The following MEX3C variants were observed in gnomAD, a reference collection of about 807,000 sequenced individuals.
The protein encoded by MEX3C is RNA-binding E3 ubiquitin-protein ligase MEX3C.
In MEX3C, 15 loss-of-function variants were observed where a neutral mutation model predicts 35.5. The observed-to-expected ratio is 0.42, with a 90% confidence interval of 0.28 to 0.65. The LOEUF (loss-of-function observed/expected upper bound fraction) is 0.65, where lower values mean the gene tolerates loss of function less well. Among genes scored for constraint, MEX3C ranks in the 30% least tolerant of loss-of-function variants. The probability of loss-of-function intolerance (pLI) is 0.20; values close to 1 mark genes in which losing one functional copy is unlikely to be tolerated. For missense variants in MEX3C, 711 were observed against 842.8 expected (o/e 0.84, Z 1.94); for synonymous variants, 390 against 352.8 (o/e 1.11, Z -1.18).
At chr18:51,180,133 G>A (rs1912393019) in intron 1 of MEX3C, among the ~76,000 whole-genome samples, 1 of 152,014 alleles carries the variant, frequency 6.6e-6, no homozygotes, top group South Asian at 2.1e-4. Flanking sequence ...AGAGAAAAAA[G>A]AAAACTATGT....
intron 1 of MEX3C, among the ~76,000 whole-genome samples, chr18:51,189,609 A>G (rs1264959562): frequency 6.6e-6 from 1 of 152,192 alleles, no homozygotes; most frequent in African/African-American, 2.4e-5. Context: ...AAGTTTTATT[A>G]TTTGGCCTTT....
Position 51,177,611 on chromosome 18 carries a change from T to C in MEX3C, c.755-35A>G, listed in dbSNP as rs1912333473. 2 of 1,543,198 alleles carry C rather than the reference T, an allele frequency of 1.3e-6. No homozygotes were observed. Among genetic ancestry groups the C allele is most frequent in the Admixed American group, 4.1e-5 (2 of 48,452 alleles). ...AGAAAACATTTCATAAGAATCAACA[T>C]CTACTTCAATGATATATATAAAGAC... On this transcript the variant is annotated intron_variant, in intron 1 of 1. Transcript: ENST00000406189. This position sits in a 1 kb window ranked among gnomAD's most constrained non-coding sequence, Gnocchi z 4.2.
At chr18:51,187,063 T>C (rs558314241) in intron 1 of MEX3C, among the ~76,000 whole-genome samples, 1 of 152,300 alleles carries the variant, frequency 6.6e-6, no homozygotes, top group Admixed American at 6.5e-5. Context: ...TAAAACTCTT[T>C]GGCCTGAAAT....
Position 51,177,864 on chromosome 18 carries a change from CTG to C in MEX3C, c.755-290_755-289del, listed in dbSNP as rs1288905765. On this transcript the variant is annotated intron_variant, in intron 1 of 1. Transcript: ENST00000406189. This position sits in a 1 kb window ranked among gnomAD's most constrained non-coding sequence, Gnocchi z 4.2. Reference sequence around the variant, plus strand: ...CTTTAACTTAACATTACTCTTTCCTCTGTAAAACTCAATTGATGACAAAAACA... The same window carrying C: ...CTTTAACTTAACATTACTCTTTCCTCTAAAACTCAATTGATGACAAAAACA... Among the ~76,000 whole-genome samples the C allele has an allele frequency of 6.6e-6, 1 of 152,206 alleles. No homozygotes were observed. Among genetic ancestry groups the C allele is most frequent in the Non-Finnish European group, 1.5e-5 (1 of 68,046 alleles).
At position 51,196,910 on chromosome 18, in the gene MEX3C, GTCC is replaced by G. The variant is rs1336300382; in HGVS notation, c.408_410del (p.Glu136del). Reference sequence around the variant, plus strand: ...GCGACAGCAGCAGCAGCGACGACCGGTCCTCCTCCTCTGCTTCCTCCAGCTCCT... The same window carrying G: ...GCGACAGCAGCAGCAGCGACGACCGGTCCTCCTCTGCTTCCTCCAGCTCCT... On this transcript the variant is annotated inframe_deletion, in exon 1 of 2. Coordinates refer to ENST00000406189, the MANE Select transcript of MEX3C (RefSeq NM_016626.5). The G allele has an allele frequency of 2.0e-5, 31 of 1,543,070 alleles. No homozygotes were observed. In the East Asian group the frequency reaches 5.7e-4, roughly 28 times the overall value.
intron 1 of MEX3C, among the ~76,000 whole-genome samples, chr18:51,182,157 ACT>A (rs1430416993): frequency 1.3e-5 from 2 of 152,088 alleles, no homozygotes; most frequent in African/African-American, 4.8e-5. Flanking sequence ...TTAATCTCTT[ACT>A]CTGTCTTGTT....
At chr18:51,189,737 C>T (rs1205542025) in intron 1 of MEX3C, among the ~76,000 whole-genome samples, 1 of 152,028 alleles carries the variant, frequency 6.6e-6, no homozygotes, top group East Asian at 1.9e-4. Context: ...TTAACAGAAA[C>T]CTTAGAATTA....
chr18:51,181,934 G>A (rs1356301302), intron 1 of MEX3C, among the ~76,000 whole-genome samples: 2 of 152,104 alleles, frequency 1.3e-5, no homozygotes, highest in African/African-American at 2.4e-5. Context: ...TTGATTAGAC[G>A]TTTGGTTAGT....
rs1298198938 is a variant in MEX3C, at chr18:51,177,290, T to G, written c.1041A>C (p.Ala347=). 6.2e-6 allele frequency: 10 copies of G among 1,613,902 alleles called. No homozygotes were observed. Among genetic ancestry groups the G allele is most frequent in the Non-Finnish European group, 7.6e-6 (9 of 1,179,908 alleles). The change falls in exon 2 of 2, where the codon GCA becomes GCC. Residue 347 remains alanine, a synonymous_variant. Transcript: ENST00000406189. The surrounding 1 kb of genome is among the most constrained non-coding windows in gnomAD (Gnocchi z 4.2). ...VVGLVVGPKG[A]TIKRIQQQTH... is the part of the protein sequence containing the mutation. ...TCTGCTGCTGAATTCTTTTAATAGT[T>G]GCTCCTTTGGGTCCAACCACTAATC...
Position 51,176,661 on chromosome 18 carries a change from G to GC in MEX3C, c.1669dup (p.Ala557GlyfsTer5). On this transcript the variant is annotated frameshift_variant, in exon 2 of 2. Coordinates refer to ENST00000406189, the MANE Select transcript of MEX3C (RefSeq NM_016626.5). LOFTEE classifies it high-confidence loss of function. ...AGGTGGGTCGCTCCTAACCCTCCGA[G>GC]CAAGTGGATGTTCTATGCTCTCAGG... The GC allele has an allele frequency of 6.2e-7, 1 of 1,614,016 alleles. No individual in the cohort carries two copies.
chr18:51,191,273 T>C (rs1043488694), intron 1 of MEX3C, among the ~76,000 whole-genome samples: 3 of 152,134 alleles, frequency 2.0e-5, no homozygotes, highest in Non-Finnish European at 4.4e-5. Flanking sequence ...TTTAATGAAA[T>C]ATGAGCAGAT....
At chr18:51,190,180 G>T (rs1912623962) in intron 1 of MEX3C, among the ~76,000 whole-genome samples, 1 of 152,144 alleles carries the variant, frequency 6.6e-6, no homozygotes, top group Admixed American at 6.6e-5. Flanking sequence ...GAGAGGTTAA[G>T]TGATTTATCC....
intron 1 of MEX3C, chr18:51,193,305 C>T (rs1341253119): frequency 1.3e-5 from 2 of 152,106 alleles, no homozygotes; most frequent in Non-Finnish European, 2.9e-5. Flanking sequence ...GAAAGATACA[C>T]ATTTATCCTA....
Position 51,177,357 on chromosome 18 carries a change from C to T in MEX3C, c.974G>A (p.Gly325Asp). ...GGLSCSPNLP[G>D]QTTVQVRVPY... ...GACCCTGACTTGGACGGTGGTTTGA[C>T]CGGGCAGATTAGGACTACATGATAA... The change falls in exon 2 of 2, where the codon GGT becomes GAT. Residue 325 changes from glycine (G) to aspartate (D), a missense_variant. Around this residue, in one of 4 missense-constraint regions of MEX3C, gnomAD observed 83 missense variants for 179.1 expected, o/e 0.46. Coordinates refer to ENST00000406189, the MANE Select transcript of MEX3C (RefSeq NM_016626.5). This position sits in a 1 kb window ranked among gnomAD's most constrained non-coding sequence, Gnocchi z 4.2. The T allele has an allele frequency of 6.2e-7, 1 of 1,613,952 alleles. No homozygotes were observed. The highest frequency in any genetic ancestry group is 1.7e-5 in the Admixed American group (1 of 60,012).
chr18:51,196,851 A>T lies in MEX3C; in HGVS notation c.470T>A (p.Ile157Asn). The change falls in exon 1 of 2, where the codon ATC (isoleucine) becomes AAC (asparagine). Residue 157 changes from isoleucine to asparagine, a missense_variant. Coordinates refer to ENST00000406189, the MANE Select transcript of MEX3C (RefSeq NM_016626.5). ...PAATASQTQQ[I>N]PGGSLGSVLL... ...CACAGACCCCAGGGACCCGCCCGGG[A>T]TCTGCTGGGTCTGAGAGGCGGTGGC... The T allele has an allele frequency of 6.5e-7, 1 of 1,537,508 alleles. No individual in the cohort carries two copies. Among genetic ancestry groups the T allele is most frequent in the Non-Finnish European group, 8.7e-7 (1 of 1,145,274 alleles).
Position 51,177,506 on chromosome 18 carries a change from G to A in MEX3C, c.825C>T (p.Pro275=). ...YIKTPVRGEE[P]IFVVTGRKED... ...CTTTCCTTCCAGTGACAACAAAAATGGGCTCTTCACCACGAACAGGAGTCT... is the reference window on the plus strand; with the variant it reads ...CTTTCCTTCCAGTGACAACAAAAATAGGCTCTTCACCACGAACAGGAGTCT... Residue 275 remains proline, a synonymous_variant, in exon 2 of 2, where the codon CCC becomes CCT. Coordinates refer to ENST00000406189, the MANE Select transcript of MEX3C (RefSeq NM_016626.5). This position sits in a 1 kb window ranked among gnomAD's most constrained non-coding sequence, Gnocchi z 4.2. The A allele has an allele frequency of 6.2e-7, 1 of 1,613,994 alleles. No homozygotes were observed. The highest frequency in any genetic ancestry group is 1.1e-5 in the South Asian group (1 of 91,078).
Position 51,183,343 on chromosome 18 carries a change from T to A in MEX3C, c.755-5767A>T, listed in dbSNP as rs537725750. ...CCTATCCATACCATTTGTTCCCACT[T>A]CCCAACAGAAAAAGCACCATGTGAT... is the stretch of plus-strand genomic sequence containing the variant. On this transcript the variant is annotated intron_variant, in intron 1 of 1. Coordinates refer to ENST00000406189, the MANE Select transcript of MEX3C (RefSeq NM_016626.5). Among the ~76,000 whole-genome samples the A allele has an allele frequency of 2.2e-3, 341 of 152,306 alleles. 3 individuals are homozygous for A. Among genetic ancestry groups the A allele is most frequent in the African/African-American group, 7.7e-3 (319 of 41,558 alleles).
At chr18:51,183,629 A>AT (rs1220471390) in intron 1 of MEX3C, among the ~76,000 whole-genome samples, 4 of 152,210 alleles carry the variant, frequency 2.6e-5, no homozygotes, top group African/African-American at 9.6e-5. Context: ...TCAGCTTAAA[A>AT]TAGTAAAATT....
At chr18:51,178,461 A>G (rs890989285) in intron 1 of MEX3C, among the ~76,000 whole-genome samples, 2 of 152,146 alleles carry the variant, frequency 1.3e-5, no homozygotes, top group Non-Finnish European at 1.5e-5. Flanking sequence ...TAAAATGTCA[A>G]GTACACAACC....
Sources: gnomAD v4.1 joint callset for allele counts (sites outside exome capture counted in the v4.1 genomes callset) on GRCh38, gnomAD v4.1.1 for gene constraint, gnomAD v4.1.1 regional missense constraint, Gnocchi (gnomAD v3.1) non-coding constraint, MANE v1.5 for transcripts, NCBI Gene and HGNC (gene_info 2026-07-23, HGNC 2026-07-21) for gene names.